The following LAMA2 variants were observed in gnomAD, a reference collection of about 807,000 sequenced individuals.
The protein encoded by LAMA2 is laminin subunit alpha-2.
Under a neutral mutation model 364.8 loss-of-function variants are expected in LAMA2, and 269 were observed. The observed-to-expected ratio is 0.74, with a 90% CI of 0.67 to 0.82. The LOEUF (loss-of-function observed/expected upper bound fraction) is 0.82, where lower values mean the gene tolerates loss of function less well. Ranked by LOEUF, LAMA2 falls within the 40% of genes least tolerant of loss-of-function variation. The pLI, the probability that LAMA2 is intolerant of heterozygous loss-of-function variation, is 0.00. For synonymous variants in LAMA2, 1,379 were observed against 1,370.6 expected (o/e 1.01, Z -0.14); for missense variants, 3,807 against 3,873.2 (o/e 0.98, Z 0.45).
intron 1 of LAMA2, among the ~76,000 whole-genome samples, chr6:128,918,533 T>A (rs1447148352): frequency 2.0e-5 from 3 of 152,204 alleles, no homozygotes; most frequent in African/African-American, 7.2e-5. Flanking sequence ...TCTACTCCTA[T>A]CCTCCCGTAA....
chr6:129,118,183 TAAC>T (rs1165738270), intron 4 of LAMA2, among the ~76,000 whole-genome samples: 5 of 152,200 alleles, frequency 3.3e-5, no homozygotes, highest in Non-Finnish European at 1.5e-5. Context: ...ACGAATGAAT[TAAC>T]AACCTATTTT....
chr6:129,055,693 G>T (rs191523305), intron 2 of LAMA2, among the ~76,000 whole-genome samples: 1 of 152,152 alleles, frequency 6.6e-6, no homozygotes, highest in Non-Finnish European at 1.5e-5. Flanking sequence ...TGGAAGGTCC[G>T]CAGTTAATTA....
intron 1 of LAMA2, among the ~76,000 whole-genome samples, chr6:128,885,033 A>T (rs1776066979): frequency 6.6e-6 from 1 of 152,216 alleles, no homozygotes; most frequent in Non-Finnish European, 1.5e-5. Flanking sequence ...CAGGCACAAG[A>T]TGAAGTGAAT....
At chr6:128,991,311 T>A (rs1364114241) in intron 1 of LAMA2, among the ~76,000 whole-genome samples, 1 of 152,202 alleles carries the variant, frequency 6.6e-6, no homozygotes, top group Non-Finnish European at 1.5e-5. Context: ...TTTTTCCTTA[T>A]ACTGTTGATC....
rs551097411 is a variant in LAMA2 at position 129,019,971 on chromosome 6, G to A, written c.113-29947G>A. ...GTGGTGGCAGGCACCTGTAATCCCA[G>A]CTACTCAGGAGGCTGAGGCAGGAGA... On this transcript the variant is annotated intron_variant, in intron 1 of 64. Coordinates refer to ENST00000421865, the MANE Select transcript of LAMA2 (RefSeq NM_000426.4). Among the ~76,000 whole-genome samples, 3 of 152,132 alleles carry A rather than the reference G, an allele frequency of 2.0e-5. No homozygotes were observed. The South Asian group carries it at 6.2e-4, about 32-fold the overall frequency.
intron 1 of LAMA2, among the ~76,000 whole-genome samples, chr6:129,021,693 G>A (rs1260729835): frequency 2.6e-5 from 4 of 152,190 alleles, no homozygotes; most frequent in East Asian, 3.9e-4. Context: ...TGTAAGTGAC[G>A]TTTGTGTAAT....
chr6:129,037,539 A>G (rs944718583), intron 1 of LAMA2, among the ~76,000 whole-genome samples: 5 of 152,172 alleles, frequency 3.3e-5, no homozygotes, highest in Admixed American at 1.3e-4. Context: ...TTCGAGAAAT[A>G]CATACACATG....
Position 129,481,372 on chromosome 6 carries a change from G to T in LAMA2, c.7682G>T (p.Gly2561Val). 1 of 1,613,920 alleles carries T rather than the reference G, an allele frequency of 6.2e-7. No individual in the cohort carries two copies. The highest frequency in any genetic ancestry group is 8.5e-7 in the Non-Finnish European group (1 of 1,179,882). The change falls in exon 55 of 65, where the codon GGC (glycine) becomes GTC (valine). Residue 2561 changes from glycine (G) to valine (V), a missense_variant. By Grantham distance (109) the Gly-to-Val change is moderately radical (BLOSUM62 -3). Around this residue, in one of 3 missense-constraint regions of LAMA2, gnomAD observed 3,333 missense variants for 3,345.7 expected, o/e 1.00. Coordinates refer to ENST00000421865, the MANE Select transcript of LAMA2 (RefSeq NM_000426.4). ...NLSFSTKNES[G>V]IILLGSGGTP... ...TCATTCAGCACCAAGAATGAGTCCG[G>T]CATCATTCTTTTGGGAAGTGGAGGG...
chr6:129,401,077 GTT>G, intron 37 of LAMA2, 145 bp from the exon 38 acceptor site: 4 of 731,502 alleles, frequency 5.5e-6, no homozygotes, highest in South Asian at 3.0e-5. Context: ...TGGCTAAGTA[GTT>G]TATATTTTTC....
At chr6:128,980,599 A>C (rs1315499029) in intron 1 of LAMA2, among the ~76,000 whole-genome samples, 1 of 152,174 alleles carries the variant, frequency 6.6e-6, no homozygotes, top group Non-Finnish European at 1.5e-5. Context: ...ATATCTGCTA[A>C]AGGAATTTCA....
At chr6:129,224,284 T>C (rs1784082962) in intron 12 of LAMA2, among the ~76,000 whole-genome samples, 2 of 152,228 alleles carry the variant, frequency 1.3e-5, no homozygotes, top group Non-Finnish European at 2.9e-5. Flanking sequence ...AATTATGTCA[T>C]CTGCAAACAG....
At chr6:129,149,973 G>A (rs1239468554) in intron 7 of LAMA2, among the ~76,000 whole-genome samples, 1 of 152,076 alleles carries the variant, frequency 6.6e-6, no homozygotes, top group African/African-American at 2.4e-5. Flanking sequence ...TTTGAGGGAG[G>A]TCCTGGAACC....
intron 1 of LAMA2, among the ~76,000 whole-genome samples, chr6:128,948,633 G>A (rs542406458): frequency 2.9e-4 from 44 of 152,126 alleles, no homozygotes; most frequent in Non-Finnish European, 5.6e-4. Flanking sequence ...TCCCAGTATT[G>A]GACGTGGGGA....
intron 51 of LAMA2, among the ~76,000 whole-genome samples, chr6:129,469,742 A>G (rs1415378027): frequency 1.3e-5 from 2 of 151,898 alleles, no homozygotes; most frequent in Non-Finnish European, 1.5e-5. Context: ...GTATACTCAT[A>G]CAATGGAATA....
At chr6:129,178,330 A>C (rs537944341) in intron 10 of LAMA2, among the ~76,000 whole-genome samples, 3 of 152,318 alleles carry the variant, frequency 2.0e-5, no homozygotes, top group African/African-American at 7.2e-5. Context: ...TTCAATTATA[A>C]AAAAGTACAA....
At chr6:128,976,295 TTTTG>T (rs779433670) in intron 1 of LAMA2, among the ~76,000 whole-genome samples, 8 of 152,078 alleles carry the variant, frequency 5.3e-5, no homozygotes, top group Non-Finnish European at 1.0e-4. Flanking sequence ...AATCCCCACT[TTTTG>T]TTTTGTTTTT....
At chr6:129,510,405 G>C (rs2114922887) in intron 62 of LAMA2, among the ~76,000 whole-genome samples, 1 of 152,190 alleles carries the variant, frequency 6.6e-6, no homozygotes, top group East Asian at 1.9e-4. Context: ...CCAAATAAGT[G>C]AAAGGTCTCT....
chr6:129,093,913 T>G (rs1482807692), intron 3 of LAMA2, among the ~76,000 whole-genome samples: 2 of 152,190 alleles, frequency 1.3e-5, no homozygotes, highest in Admixed American at 1.3e-4. Flanking sequence ...AGTCATAGCA[T>G]TTTAATACTT....
At chr6:129,096,166 A>G (rs1775176339) in intron 3 of LAMA2, among the ~76,000 whole-genome samples, 1 of 152,232 alleles carries the variant, frequency 6.6e-6, no homozygotes, top group Non-Finnish European at 1.5e-5. Context: ...GAGTTGTTCA[A>G]TATGAACTGT....
Sources: gnomAD v4.1 joint callset for allele counts (sites outside exome capture counted in the v4.1 genomes callset) on GRCh38, gnomAD v4.1.1 for gene constraint, gnomAD v4.1.1 regional missense constraint, MANE v1.5 for transcripts, NCBI Gene and HGNC (gene_info 2026-07-23, HGNC 2026-07-21) for gene names.